The following TRIO variants were observed in gnomAD, a reference collection of about 807,000 sequenced individuals.
TRIO encodes the protein trio Rho guanine nucleotide exchange factor.
A neutral mutation model predicts 351.9 loss-of-function variants in TRIO; 58 were observed. That is an observed-to-expected ratio of 0.16 (90% CI 0.13 to 0.21). TRIO has a LOEUF of 0.21. Among genes scored for constraint, TRIO ranks in the 10% least tolerant of loss-of-function variants. TRIO has a pLI of 1.00. For synonymous variants in TRIO, 1,758 were observed against 1,595.7 expected (o/e 1.10, Z -2.42); for missense variants, 3,201 against 4,027.8 (o/e 0.79, Z 5.56).
At chr5:14,458,911 A>T (rs923214094) in intron 34 of TRIO, among the ~76,000 whole-genome samples, 1 of 152,222 alleles carries the variant, frequency 6.6e-6, no homozygotes, top group African/African-American at 2.4e-5. Context: ...AGTGAGACTG[A>T]TAGGGAAATG....
chr5:14,196,686 C>T (rs1258111504), intron 1 of TRIO, among the ~76,000 whole-genome samples: 1 of 152,128 alleles, frequency 6.6e-6, no homozygotes, highest in African/African-American at 2.4e-5. Flanking sequence ...CTGGTGCCTG[C>T]GAAGTTAGGT....
chr5:14,247,962 A>G (rs952898990), intron 1 of TRIO, among the ~76,000 whole-genome samples: 8 of 151,204 alleles, frequency 5.3e-5, no homozygotes, highest in African/African-American at 1.7e-4. Context: ...GCTACTTGGG[A>G]GGCTGAGGCA....
intron 34 of TRIO, among the ~76,000 whole-genome samples, chr5:14,448,784 G>C (rs27922): frequency 0.17 from 25,430 of 152,014 alleles, 2,167 homozygotes; most frequent in Middle Eastern, 0.28. Flanking sequence ...CTTTCACCCA[G>C]CAAGGCTATC....
chr5:14,402,083 C>T (rs886171419), intron 31 of TRIO, among the ~76,000 whole-genome samples: 1 of 152,194 alleles, frequency 6.6e-6, no homozygotes, highest in Admixed American at 6.5e-5. Flanking sequence ...GCCCAATGTG[C>T]TCTGGCTAGT....
At chr5:14,245,730 A>G (rs1794398450) in intron 1 of TRIO, among the ~76,000 whole-genome samples, 1 of 152,240 alleles carries the variant, frequency 6.6e-6, no homozygotes. Flanking sequence ...CCTGAGAAGA[A>G]CACGGGGCAA....
At chr5:14,269,218 A>G (rs2152268576) in intron 1 of TRIO, among the ~76,000 whole-genome samples, 1 of 152,294 alleles carries the variant, frequency 6.6e-6, no homozygotes, top group Non-Finnish European at 1.5e-5. Flanking sequence ...TCATAGTTAA[A>G]TCTCATTAAA....
chr5:14,396,729 C>T (rs1002511334), intron 28 of TRIO, among the ~76,000 whole-genome samples: 6 of 151,782 alleles, frequency 4.0e-5, no homozygotes, highest in Middle Eastern at 3.4e-3. Context: ...CTCAGCCTCC[C>T]GAAGTGCTGG....
chr5:14,229,757 A>G (rs988453532), intron 1 of TRIO, among the ~76,000 whole-genome samples: 1 of 152,218 alleles, frequency 6.6e-6, no homozygotes, highest in South Asian at 2.1e-4. Context: ...TGAAAACACG[A>G]AAATAGCGCT....
chr5:14,150,605 T>G (rs1008134802), intron 1 of TRIO, among the ~76,000 whole-genome samples: 1 of 151,940 alleles, frequency 6.6e-6, no homozygotes, highest in Non-Finnish European at 1.5e-5. Flanking sequence ...GGCAAACAAT[T>G]AAAAGAAGTA....
chr5:14,220,551 T>C (rs1242575989), intron 1 of TRIO, among the ~76,000 whole-genome samples: 2 of 152,234 alleles, frequency 1.3e-5, no homozygotes, highest in Non-Finnish European at 2.9e-5. Flanking sequence ...CTAGGCCTCT[T>C]GTGCCAAACA....
intron 1 of TRIO, among the ~76,000 whole-genome samples, chr5:14,175,772 A>G (rs1387644534): frequency 6.6e-6 from 1 of 152,256 alleles, no homozygotes; most frequent in Non-Finnish European, 1.5e-5. Context: ...CTATACATGC[A>G]TTTAGTGAGA....
intron 1 of TRIO, among the ~76,000 whole-genome samples, chr5:14,200,259 C>G (rs73057524): frequency 6.6e-6 from 1 of 152,174 alleles, no homozygotes; most frequent in African/African-American, 2.4e-5. Flanking sequence ...TTCCCTTCCC[C>G]GTGAATCCCC....
chr5:14,249,443 A>T (rs776740371), intron 1 of TRIO, among the ~76,000 whole-genome samples: 13 of 152,066 alleles, frequency 8.5e-5, no homozygotes, highest in Non-Finnish European at 1.8e-4. Context: ...AAGATAGCTG[A>T]ACTTTCTGGA....
At chr5:14,174,319 G>A (rs1789280656) in intron 1 of TRIO, among the ~76,000 whole-genome samples, 1 of 152,168 alleles carries the variant, frequency 6.6e-6, no homozygotes, top group African/African-American at 2.4e-5. Context: ...TAACCCGAGG[G>A]AAGGTGGTAT....
At chr5:14,317,852 C>T (rs553629418) in intron 9 of TRIO, among the ~76,000 whole-genome samples, 13 of 151,362 alleles carry the variant, frequency 8.6e-5, no homozygotes, top group Middle Eastern at 3.4e-3. Context: ...TCAGGCCAGG[C>T]GAGGTAGCTC....
chr5:14,506,997 C>T (rs572358590), intron 55 of TRIO, 125 bp from the exon 56 acceptor site: 44 of 1,321,840 alleles, frequency 3.3e-5, no homozygotes, highest in South Asian at 2.0e-4. Context: ...CTTAGAGGCA[C>T]GGCCCTGAGA....
At chr5:14,312,548 C>T (rs560089365) in intron 8 of TRIO, among the ~76,000 whole-genome samples, 8 of 152,110 alleles carry the variant, frequency 5.3e-5, no homozygotes, top group Non-Finnish European at 7.3e-5. Context: ...CTGATCTGAT[C>T]GGTTCAAAAA....
At chr5:14,428,858 A>G (rs1289980081) in intron 34 of TRIO, among the ~76,000 whole-genome samples, 2 of 152,194 alleles carry the variant, frequency 1.3e-5, no homozygotes, top group East Asian at 3.9e-4. Flanking sequence ...CTCGTGGGAA[A>G]AATGAGACGG....
intron 36 of TRIO, among the ~76,000 whole-genome samples, chr5:14,465,012 TC>T (rs956689141): frequency 6.6e-6 from 1 of 152,146 alleles, no homozygotes; most frequent in African/African-American, 2.4e-5. Context: ...GGTGAGCTTG[TC>T]CCCCTCCTTC....
Sources: gnomAD v4.1 joint callset for allele counts (sites outside exome capture counted in the v4.1 genomes callset) on GRCh38, gnomAD v4.1.1 for gene constraint, MANE v1.5 for transcripts, NCBI Gene and HGNC (gene_info 2026-07-23, HGNC 2026-07-21) for gene names.